The following HSD3B2 variants were observed in gnomAD, a reference collection of about 807,000 sequenced individuals.
The protein encoded by HSD3B2 is 3 beta-hydroxysteroid dehydrogenase/Delta 5-->4-isomerase type 2.
HSD3B2 carries 8 observed loss-of-function variants against 9.9 expected under a neutral mutation model. The observed-to-expected ratio is 0.81, with a 90% CI of 0.47 to 1.46. HSD3B2 has a LOEUF of 1.46. Among genes scored for constraint, HSD3B2 ranks in the 40% most tolerant of loss-of-function variants. The pLI, the probability that HSD3B2 is intolerant of heterozygous loss-of-function variation, is 0.00. For missense variants in HSD3B2, 410 were observed against 448.3 expected (o/e 0.91, Z 0.77); for synonymous variants, 221 against 184.5 (o/e 1.20, Z -1.60).
At chr1:119,421,453 GTATATATATA>G (rs201598230) in intron 3 of HSD3B2, among the ~76,000 whole-genome samples, 1 of 17,314 alleles carries the variant, frequency 5.8e-5, no homozygotes, top group African/African-American at 1.5e-4. Context: ...ATATATATAT[GTATATATATA>G]TGTATATATA....
At chr1:119,418,079 G>C (rs1051363636) in intron 2 of HSD3B2, among the ~76,000 whole-genome samples, 1 of 152,194 alleles carries the variant, frequency 6.6e-6, no homozygotes, top group Admixed American at 6.5e-5. Context: ...CATTTTGTGG[G>C]CTAATTCCAG....
intron 3 of HSD3B2, among the ~76,000 whole-genome samples, chr1:119,420,786 G>T (rs2101345942): frequency 6.6e-6 from 1 of 152,284 alleles, no homozygotes; most frequent in Middle Eastern, 3.4e-3. Flanking sequence ...ACCTCCATGA[G>T]CTTTGCTTCC....
At chr1:119,418,399 A>T (rs1257318863) in intron 2 of HSD3B2, among the ~76,000 whole-genome samples, 1 of 151,980 alleles carries the variant, frequency 6.6e-6, no homozygotes, top group Admixed American at 6.6e-5. Context: ...AGGTACCAGG[A>T]CCTTCAAGGT....
chr1:119,416,724 C>T (rs193022581), intron 2 of HSD3B2, among the ~76,000 whole-genome samples: 1 of 152,330 alleles, frequency 6.6e-6, no homozygotes, highest in East Asian at 1.9e-4. Context: ...CCCCTTGACA[C>T]TCTCCTCTTC....
rs116342586 is a variant in HSD3B2 at position 119,422,515 on chromosome 1, G to A, written c.1014G>A (p.Ala338=). ...FSYKKAQRDL[A]YKPLYSWEEA... ...ACAAGAAGGCTCAGCGAGATCTGGC[G>A]TATAAGCCACTCTACAGCTGGGAGG... Residue 338 remains alanine (A), a synonymous_variant, in exon 4 of 4, where the codon GCG becomes GCA. Coordinates refer to ENST00000369416, the MANE Select transcript of HSD3B2 (RefSeq NM_000198.4). 9.7e-5 allele frequency: 157 copies of A among 1,614,086 alleles called. 1 individual carries two copies. Among genetic ancestry groups the A allele is most frequent in the East Asian group, 3.3e-4 (15 of 44,854 alleles).
chr1:119,416,083 G>A (rs1411446959), intron 2 of HSD3B2, among the ~76,000 whole-genome samples: 1 of 152,052 alleles, frequency 6.6e-6, no homozygotes, highest in African/African-American at 2.4e-5. Context: ...AAGAAAATGA[G>A]GGGGAAAGAA....
intron 2 of HSD3B2, among the ~76,000 whole-genome samples, chr1:119,417,816 A>C (rs1651751050): frequency 6.6e-6 from 1 of 152,206 alleles, no homozygotes; most frequent in South Asian, 2.1e-4. Context: ...CTAAACAGCT[A>C]TTCCTGCACC....
At chr1:119,421,545 A>C (rs781274280) in intron 3 of HSD3B2, among the ~76,000 whole-genome samples, 3 of 147,392 alleles carry the variant, frequency 2.0e-5, no homozygotes, top group African/African-American at 5.0e-5. Context: ...ACACACACAC[A>C]CCACACACAA....
At chr1:119,418,212 A>G (rs2101340932) in intron 2 of HSD3B2, among the ~76,000 whole-genome samples, 1 of 152,138 alleles carries the variant, frequency 6.6e-6, no homozygotes, top group South Asian at 2.1e-4. Context: ...TTGGTGGCTA[A>G]CTCATTTTCA....
chr1:119,421,475 A>ATT (rs1431552576), intron 3 of HSD3B2, among the ~76,000 whole-genome samples: 2 of 4,150 alleles, frequency 4.8e-4, no homozygotes, highest in Admixed American at 2.6e-3. Context: ...GTATATATAT[A>ATT]TGTATATATA....
Position 119,422,941 on chromosome 1 carries a change from C to T in HSD3B2, c.*321C>T. 2.1e-6 allele frequency: 1 copy of T among 470,680 alleles called. No homozygotes were observed. Among genetic ancestry groups the T allele is most frequent in the Non-Finnish European group, 3.8e-6 (1 of 260,696 alleles). The allele number at this position is 470,680 out of a possible 1,614,324, so 29.2% of individuals were successfully genotyped here. On this transcript the variant is annotated 3_prime_UTR_variant, in exon 4 of 4. Transcript: ENST00000369416. ...TGACTAATAGAGCTCCATTTCCCCT[C>T]TTAAATGAGAAAGCATTTCTTTTCT...
chr1:119,421,441 G>GTATATATATGTA (rs1557869480), intron 3 of HSD3B2, among the ~76,000 whole-genome samples: 67 of 16,394 alleles, frequency 4.1e-3, no homozygotes, highest in South Asian at 0.025. Flanking sequence ...ATATATATAT[G>GTATATATATGTA]TATATATATA....
chr1:119,418,498 CACAG>C (rs904269255), intron 2 of HSD3B2, among the ~76,000 whole-genome samples: 1 of 152,092 alleles, frequency 6.6e-6, no homozygotes, highest in Admixed American at 6.6e-5. Context: ...TAAACTTTGG[CACAG>C]ACATTCTGAT....
At position 119,422,482 on chromosome 1, in the gene HSD3B2, C is replaced by A. The variant is rs149441011; in HGVS notation, c.981C>A (p.Thr327=). The A allele has an allele frequency of 1.2e-6, 2 of 1,614,098 alleles. No individual in the cohort carries two copies. Among genetic ancestry groups the A allele is most frequent in the African/African-American group, 2.7e-5 (2 of 75,026 alleles). The stretch of plus-strand genomic sequence containing the variant: ...TCACATTATCAAATAGTGTGTTCAC[C>A]TTCTCTTACAAGAAGGCTCAGCGAG... ...HTVTLSNSVF[T]FSYKKAQRDL... is the part of the protein sequence containing the mutation. Residue 327 remains threonine (T), a synonymous_variant, in exon 4 of 4, where the codon ACC becomes ACA. Transcript: ENST00000369416.
At chr1:119,419,326 C>T in intron 2 of HSD3B2, 92 bp from the exon 3 acceptor site, 2 of 1,224,198 alleles carry the variant, frequency 1.6e-6, no homozygotes, top group Non-Finnish European at 2.4e-6. Flanking sequence ...ACACTCTAAT[C>T]TCTTTGAGCA....
intron 2 of HSD3B2, among the ~76,000 whole-genome samples, chr1:119,416,879 A>G (rs959840395): frequency 6.6e-6 from 1 of 152,234 alleles, no homozygotes; most frequent in Non-Finnish European, 1.5e-5. Flanking sequence ...TGATACCAGG[A>G]AAAAGCAATG....
Position 119,415,637 on chromosome 1 carries a change from G to T in HSD3B2, c.142+76G>T, listed in dbSNP as rs976552720. The T allele has an allele frequency of 2.7e-6, 4 of 1,496,364 alleles. No homozygotes were observed. In the African/African-American group the frequency reaches 5.5e-5, roughly 21 times the overall value. 92.7% of individuals were successfully genotyped at this position (1,496,364 alleles called of 1,614,324 possible). ...GGTGTGGGGAGGTTGACCTTGTCTA[G>T]CAAGTTAAGGAAAGTTGTAGCCAAA... On this transcript the variant is annotated intron_variant, in intron 2 of 3. Transcript: ENST00000369416.
Position 119,421,819 on chromosome 1 carries a change from A to G in HSD3B2, c.318A>G (p.Leu106=), listed in dbSNP as rs1349579965. ...GCTCTTCGTGGGCAGGTACCCAGCT[A>G]CTGTTGGAGGCCTGTGTCCAAGCCA... is the stretch of plus-strand genomic sequence containing the variant. ...IMNVNVKGTQ[L]LLEACVQASV... is the part of the protein sequence containing the mutation. The change falls in exon 4 of 4, where the codon CTA becomes CTG. Residue 106 remains leucine (L), a synonymous_variant. Coordinates refer to ENST00000369416, the MANE Select transcript of HSD3B2 (RefSeq NM_000198.4). 1 of 1,613,466 alleles carries G rather than the reference A, an allele frequency of 6.2e-7. No homozygotes were observed. Among genetic ancestry groups the G allele is most frequent in the African/African-American group, 1.3e-5 (1 of 74,792 alleles).
intron 2 of HSD3B2, among the ~76,000 whole-genome samples, chr1:119,416,003 A>C (rs1464081892): frequency 6.6e-6 from 1 of 152,120 alleles, no homozygotes; most frequent in Non-Finnish European, 1.5e-5. Context: ...TAGTATCTTT[A>C]GTGAGGGCAA....
Sources: allele counts gnomAD v4.1 joint callset (sites outside exome capture counted in the v4.1 genomes callset), GRCh38; gene constraint gnomAD v4.1.1; transcripts MANE v1.5; gene names NCBI Gene and HGNC (gene_info 2026-07-23, HGNC 2026-07-21).